Variants in RFX4 observed in about 807,000 individuals in gnomAD.
RFX4 encodes transcription factor RFX4.
In RFX4, 10 loss-of-function variants were observed where a neutral mutation model predicts 95.0. The observed-to-expected ratio is 0.11, with a 90% CI of 0.06 to 0.18. RFX4 has a LOEUF of 0.18. RFX4 is among the 10% of genes least tolerant of loss of function. The pLI is 1.00. For missense variants in RFX4, 640 were observed against 922.0 expected (o/e 0.69, Z 3.96); for synonymous variants, 321 against 340.7 (o/e 0.94, Z 0.64).
chr12:106,669,839 G>GTGTGTGTGTGT lies in RFX4; in HGVS notation c.316-12154_316-12153insTGTGTGTGTGT, dbSNP rs1565972599. Among the ~76,000 whole-genome samples the GTGTGTGTGTGT allele has an allele frequency of 3.5e-3, 507 of 143,256 alleles. 4 individuals carry two copies. Among genetic ancestry groups the GTGTGTGTGTGT allele is most frequent in the South Asian group, 7.3e-3 (31 of 4,252 alleles). The allele number at this position is 143,256 out of a possible 152,430, so 94.0% of individuals were successfully genotyped here. On this transcript the variant is annotated intron_variant, in intron 4 of 17. Coordinates refer to ENST00000392842, the MANE Select transcript of RFX4 (RefSeq NM_213594.3). Reference sequence around the variant, plus strand: ...GATTTCACACCAGGTTTTTTCTAGGGGTGTGTGTGTGTGTGTGTGTGTGTG... The same window carrying GTGTGTGTGTGT: ...GATTTCACACCAGGTTTTTTCTAGGGTGTGTGTGTGTGTGTGTGTGTGTGTGTGTGTGTGTG...
Position 106,686,904 on chromosome 12 carries a change from C to T in RFX4, c.398C>T (p.Ala133Val). Reference protein sequence around the residue: ...GQSKYHYYGIAVKESSQYYDV... With the variant: ...GQSKYHYYGIVVKESSQYYDV... ...CCCAGGTACCATTACTATGGCATTG[C>T]AGTGAAAGAAAGCTCCCAATATTAT... is the stretch of plus-strand genomic sequence containing the variant. The change falls in exon 6 of 18, where the codon GCA (alanine) becomes GTA (valine). Residue 133 changes from alanine to valine, a missense_variant. By Grantham distance (64) the Ala-to-Val change is moderately conservative. This residue lies in a region of RFX4 where 89 missense variants were observed against 173.8 expected (regional missense o/e 0.51). Transcript: ENST00000392842. 1 of 1,613,008 alleles carries T rather than the reference C, an allele frequency of 6.2e-7. No homozygotes were observed. The highest frequency in any genetic ancestry group is 1.1e-5 in the South Asian group (1 of 91,014).
At chr12:106,681,546 T>G (rs1026074233) in intron 4 of RFX4, among the ~76,000 whole-genome samples, 1 of 152,082 alleles carries the variant, frequency 6.6e-6, no homozygotes, top group Non-Finnish European at 1.5e-5. Flanking sequence ...GTTTCAGTAA[T>G]AGAGAAAACA....
At position 106,629,810 on chromosome 12, in the gene RFX4, G is replaced by T. The variant is rs151114915; in HGVS notation, c.131-9522G>T. On this transcript the variant is annotated intron_variant, in intron 2 of 17. Coordinates refer to ENST00000392842, the MANE Select transcript of RFX4 (RefSeq NM_213594.3). ...TTTTTAAATTTTTTGTAGAGACGGG[G>T]TCTCACTATGACCCTCCGGCCTCAG... Among the ~76,000 whole-genome samples, 216 of 152,238 alleles carry T rather than the reference G, an allele frequency of 1.4e-3. 1 individual carries two copies. Among genetic ancestry groups the T allele is most frequent in the African/African-American group, 5.1e-3 (211 of 41,540 alleles).
At position 106,761,154 on chromosome 12, in the gene RFX4, CAAG is replaced by C. The variant is rs541685816; in HGVS notation, c.1936-42_1936-40del. 1,271 of 1,592,198 alleles carry C rather than the reference CAAG, an allele frequency of 8.0e-4. 13 individuals are homozygous for C. Among genetic ancestry groups the C allele is most frequent in the Non-Finnish European group, 6.1e-5 (71 of 1,165,828 alleles). On this transcript the variant is annotated intron_variant, in intron 17 of 17. Coordinates refer to ENST00000392842, the MANE Select transcript of RFX4 (RefSeq NM_213594.3). ...GACTGATATTGTGTATATGCAACCTCAAGCTAATTTTAACTTTGTGGAATTTCT... is the reference window on the plus strand; with the variant it reads ...GACTGATATTGTGTATATGCAACCTCCTAATTTTAACTTTGTGGAATTTCT...
At chr12:106,742,955 G>A (rs577641241) in intron 15 of RFX4, among the ~76,000 whole-genome samples, 5 of 152,192 alleles carry the variant, frequency 3.3e-5, no homozygotes, top group South Asian at 2.1e-4. Context: ...ATTATATTCC[G>A]AGCACCCTTC....
intron 2 of RFX4, 99 bp downstream of exon 2, chr12:106,608,982 C>A: frequency 1.0e-6 from 1 of 993,298 alleles, no homozygotes; most frequent in Non-Finnish European, 1.5e-6. Flanking sequence ...GCCAAGTCAC[C>A]TGGAACAAGA....
At position 106,583,153 on chromosome 12, in the gene RFX4, TTTC is replaced by T. The variant is rs2039398093; in HGVS notation, c.-165_-163del. On this transcript the variant is annotated 5_prime_UTR_variant, in exon 1 of 18. Coordinates refer to ENST00000392842, the MANE Select transcript of RFX4 (RefSeq NM_213594.3). Reference sequence around the variant, plus strand: ...TCTTTCTCTTTTCTTTCCTCTTCTTTTTCTTTTCTTTTCCTTTCCTCCTTTATC... The same window carrying T: ...TCTTTCTCTTTTCTTTCCTCTTCTTTTTTTCTTTTCCTTTCCTCCTTTATC... 1.9e-5 allele frequency: 10 copies of T among 529,366 alleles called. No homozygotes were observed. The highest frequency in any genetic ancestry group is 1.2e-4 in the Admixed American group (3 of 24,988). The allele number at this position is 529,366 out of a possible 1,614,324, so 32.8% of individuals were successfully genotyped here.
intron 9 of RFX4, among the ~76,000 whole-genome samples, chr12:106,710,886 C>A (rs1327344713): frequency 7.9e-5 from 12 of 152,172 alleles, no homozygotes; most frequent in Admixed American, 2.0e-4. Context: ...GTGTAGGAAA[C>A]AAGACCTTTT....
chr12:106,734,816 T>C (rs2042680014), intron 15 of RFX4, among the ~76,000 whole-genome samples: 1 of 151,956 alleles, frequency 6.6e-6, no homozygotes, highest in South Asian at 2.1e-4. Flanking sequence ...ATCCCAACAC[T>C]TTGGGAGGCC....
chr12:106,703,903 G>A lies in RFX4; in HGVS notation c.834-5427G>A, dbSNP rs147392195. On this transcript the variant is annotated intron_variant, in intron 8 of 17. Transcript: ENST00000392842. ...CAATGTGTCGAAACCCTGTCTCTAC[G>A]AAAAATACAAAAATTAGCTGGGCGT... Among the ~76,000 whole-genome samples, 140 of 151,484 alleles carry A rather than the reference G, an allele frequency of 9.2e-4. 1 individual carries two copies. Among genetic ancestry groups the A allele is most frequent in the African/African-American group, 3.1e-3 (127 of 41,340 alleles).
intron 11 of RFX4, among the ~76,000 whole-genome samples, chr12:106,716,440 C>T (rs2042293412): frequency 6.6e-6 from 1 of 151,942 alleles, no homozygotes; most frequent in African/African-American, 2.4e-5. Flanking sequence ...TAGTATATGC[C>T]TTCTGCACTG....
At chr12:106,711,237 C>T (rs1236489431) in intron 9 of RFX4, among the ~76,000 whole-genome samples, 1 of 152,002 alleles carries the variant, frequency 6.6e-6, no homozygotes, top group Non-Finnish European at 1.5e-5. Context: ...AAATATGTAC[C>T]CCAAATGTCA....
chr12:106,679,543 G>A (rs150991371), intron 4 of RFX4, among the ~76,000 whole-genome samples: 2,374 of 152,132 alleles, frequency 0.016, 33 homozygotes, highest in Non-Finnish European at 0.024. Context: ...CTAAACATAG[G>A]AAAATTTCTG....
At chr12:106,709,765 G>A (rs888243494) in intron 9 of RFX4, among the ~76,000 whole-genome samples, 1 of 152,152 alleles carries the variant, frequency 6.6e-6, no homozygotes, top group Non-Finnish European at 1.5e-5. Context: ...CTGCCTCTGC[G>A]ATGTAGAAAG....
intron 5 of RFX4, chr12:106,683,020 C>G (rs2041553503): frequency 6.6e-6 from 1 of 152,210 alleles, no homozygotes; most frequent in Non-Finnish European, 1.5e-5. Context: ...TACAAGGTGA[C>G]TCCACTAGAG....
intron 7 of RFX4, 43 bp downstream of exon 7, chr12:106,689,407 A>AG (rs1565980874): frequency 1.4e-6 from 2 of 1,479,986 alleles, no homozygotes; most frequent in Non-Finnish European, 9.5e-7. Flanking sequence ...GGTATTAAAA[A>AG]TCTTGTAACA....
chr12:106,715,567 G>A, intron 11 of RFX4, 23 bp downstream of exon 11: 2 of 1,607,936 alleles, frequency 1.2e-6, no homozygotes, highest in South Asian at 2.2e-5. Context: ...ACCAGGGATT[G>A]TTGTCCTGTT....
intron 4 of RFX4, chr12:106,680,803 C>A (rs76686722): frequency 6.6e-6 from 1 of 152,252 alleles, no homozygotes; most frequent in Non-Finnish European, 1.5e-5. Context: ...AACTGCCAGG[C>A]ACTACTGCCA....
chr12:106,639,534 T>A, intron 3 of RFX4, 142 bp downstream of exon 3: 1 of 757,674 alleles, frequency 1.3e-6, no homozygotes, highest in Non-Finnish European at 2.1e-6. Context: ...ATTTGCAGTA[T>A]ATGTAAAATG....
Sources: gnomAD v4.1 joint callset for allele counts (sites outside exome capture counted in the v4.1 genomes callset) on GRCh38, gnomAD v4.1.1 for gene constraint, gnomAD v4.1.1 regional missense constraint, MANE v1.5 for transcripts, NCBI Gene and HGNC (gene_info 2026-07-23, HGNC 2026-07-21) for gene names.